Variants in CAB39L observed in about 807,000 individuals in gnomAD.
CAB39L encodes the protein calcium-binding protein 39-like.
In CAB39L, 23 loss-of-function variants were observed where a neutral mutation model predicts 39.1. The observed-to-expected ratio is 0.59, with a 90% CI of 0.42 to 0.83. The LOEUF is 0.83. Ranked by LOEUF, CAB39L falls within the 40% of genes least tolerant of loss-of-function variation. The pLI, the probability that CAB39L is intolerant of heterozygous loss-of-function variation, is 0.00. For synonymous variants in CAB39L, 126 were observed against 137.2 expected, an observed-to-expected ratio of 0.92 and a Z score of 0.57; for missense variants, 366 against 391.9, an observed-to-expected ratio of 0.93 and a Z score of 0.56.
intron 5 of CAB39L, among the ~76,000 whole-genome samples, chr13:49,370,315 T>C (rs1020135706): frequency 2.0e-5 from 3 of 152,210 alleles, no homozygotes; most frequent in Non-Finnish European, 2.9e-5. Context: ...GGAATTTATA[T>C]GGGAGATTAT....
rs71078845 is a variant in CAB39L, at chr13:49,443,083, T to TAAA, written c.-246+900_-246+902dup. Among the ~76,000 whole-genome samples, 135 of 116,510 alleles carry TAAA rather than the reference T, an allele frequency of 1.2e-3. 1 individual carries two copies. The highest frequency in any genetic ancestry group is 4.0e-3 in the African/African-American group (120 of 29,918). The allele number at this position is 116,510 out of a possible 152,430, so 76.4% of individuals were successfully genotyped here. A position where few individuals can be genotyped will look rare whatever the true frequency, so the allele number is the denominator to read the frequency against. On this transcript the variant is annotated intron_variant, in intron 1 of 10. Transcript: ENST00000409308. ...AATGCAATGCCATCCACAACAATGC[T>TAAA]AAAAAAAAAAAAAAAAAAGGAGGAG...
chr13:49,435,835 C>T (rs1957402770), intron 1 of CAB39L, among the ~76,000 whole-genome samples: 1 of 152,108 alleles, frequency 6.6e-6, no homozygotes, highest in Admixed American at 6.6e-5. Context: ...ATGTGCATTT[C>T]TTTTTCATAT....
In CAB39L at chr13:49,310,653, T is replaced by A. The variant is rs927284972; in HGVS notation, c.*161A>T. On this transcript the variant is annotated 3_prime_UTR_variant, in exon 11 of 11. Coordinates refer to ENST00000409308, the MANE Select transcript of CAB39L (RefSeq NM_001079670.3). The stretch of plus-strand genomic sequence containing the variant: ...AATGAATATATTATTCTAGGTTAAT[T>A]TTTTTCCATTCAAATGTTTATACTC... 1.7e-6 allele frequency: 1 copy of A among 580,702 alleles called. No individual in the cohort carries two copies. The highest frequency in any genetic ancestry group is 3.0e-6 in the Non-Finnish European group (1 of 337,778). 36.0% of individuals were successfully genotyped at this position (580,702 alleles called of 1,614,324 possible). A position where few individuals can be genotyped will look rare whatever the true frequency, so the allele number is the denominator to read the frequency against.
At chr13:49,387,490 G>A (rs922522455) in intron 3 of CAB39L, among the ~76,000 whole-genome samples, 1 of 152,180 alleles carries the variant, frequency 6.6e-6, no homozygotes, top group Non-Finnish European at 1.5e-5. Flanking sequence ...GCACATCAAC[G>A]TGCCCTCAGC....
At chr13:49,375,862 T>C (rs537732355) in intron 5 of CAB39L, among the ~76,000 whole-genome samples, 1 of 147,196 alleles carries the variant, frequency 6.8e-6, no homozygotes, top group South Asian at 2.2e-4. Context: ...GAGAAAGAGA[T>C]AGAATAAGGA....
chr13:49,339,387 T>A (rs1163645556), intron 9 of CAB39L, among the ~76,000 whole-genome samples: 1 of 152,178 alleles, frequency 6.6e-6, no homozygotes, highest in African/African-American at 2.4e-5. Context: ...CACTTCGGCC[T>A]CCCAAAGTGC....
At chr13:49,342,599 A>G (rs1318502831) in intron 8 of CAB39L, among the ~76,000 whole-genome samples, 1 of 152,204 alleles carries the variant, frequency 6.6e-6, no homozygotes, top group African/African-American at 2.4e-5. Context: ...ACAGAGTAGT[A>G]ACATTAACTA....
intron 4 of CAB39L, among the ~76,000 whole-genome samples, chr13:49,378,028 G>T (rs1326037077): frequency 1.2e-5 from 1 of 83,370 alleles, no homozygotes; most frequent in Non-Finnish European, 2.4e-5. Context: ...TGTGAGGAGT[G>T]CCTCTGCCCG....
intron 6 of CAB39L, among the ~76,000 whole-genome samples, chr13:49,358,051 CT>C (rs1416403231): frequency 2.0e-5 from 3 of 152,332 alleles, no homozygotes; most frequent in East Asian, 3.9e-4. Context: ...ACAGAACCCC[CT>C]GATGAACTAG....
intron 3 of CAB39L, among the ~76,000 whole-genome samples, chr13:49,385,496 T>C (rs1330328931): frequency 6.6e-6 from 1 of 152,254 alleles, no homozygotes; most frequent in African/African-American, 2.4e-5. Context: ...ACTTTTCCTT[T>C]GCATCCACAG....
chr13:49,329,685 T>C (rs1022824298), intron 10 of CAB39L, among the ~76,000 whole-genome samples: 1 of 150,844 alleles, frequency 6.6e-6, no homozygotes, highest in Non-Finnish European at 1.5e-5. Context: ...CTGCCATGCC[T>C]CCCATTTATG....
At chr13:49,422,223 A>G in intron 3 of CAB39L, among the ~76,000 whole-genome samples, 1 of 152,158 alleles carries the variant, frequency 6.6e-6, no homozygotes, top group Non-Finnish European at 1.5e-5. Flanking sequence ...TTTGTGATAA[A>G]GGAAAGAGTT....
At chr13:49,379,973 C>T (rs796539836) in intron 4 of CAB39L, among the ~76,000 whole-genome samples, 21 of 147,834 alleles carry the variant, frequency 1.4e-4, no homozygotes, top group African/African-American at 4.7e-4. Flanking sequence ...TCCCAAGTAG[C>T]GGGGACTACA....
At chr13:49,330,046 AT>A (rs1276505813) in intron 10 of CAB39L, among the ~76,000 whole-genome samples, 1 of 152,156 alleles carries the variant, frequency 6.6e-6, no homozygotes, top group African/African-American at 2.4e-5. Context: ...AATTCCAGAG[AT>A]AACCTCAAGG....
chr13:49,429,219 C>A (rs1260460552), intron 3 of CAB39L, among the ~76,000 whole-genome samples: 12 of 152,140 alleles, frequency 7.9e-5, no homozygotes, highest in Admixed American at 7.9e-4. Flanking sequence ...CTTCAACCTT[C>A]CTAGTAGCTG....
chr13:49,379,703 AT>A lies in CAB39L; in HGVS notation c.112-2573del, dbSNP rs1428992538. Among the ~76,000 whole-genome samples, 146 of 148,708 alleles carry A rather than the reference AT, an allele frequency of 9.8e-4. 26 individuals are homozygous for A. Among genetic ancestry groups the A allele is most frequent in the Middle Eastern group, 3.4e-3 (1 of 294 alleles). On this transcript the variant is annotated intron_variant, in intron 4 of 10. Transcript: ENST00000409308. Reference sequence around the variant, plus strand: ...CCAAGAATTATCAATAAAAAAATAAATTTAAAAAAAAAAAAAAACAAAAAAA... The same window carrying A: ...CCAAGAATTATCAATAAAAAAATAAATTAAAAAAAAAAAAAAACAAAAAAA...
At chr13:49,331,495 C>G (rs1376900840) in intron 10 of CAB39L, among the ~76,000 whole-genome samples, 2 of 151,926 alleles carry the variant, frequency 1.3e-5, no homozygotes, top group African/African-American at 4.8e-5. Context: ...AAAAAAACCA[C>G]TATTGTCTAA....
chr13:49,338,297 T>A lies in CAB39L; in HGVS notation c.690+1380A>T, dbSNP rs1954903600. On this transcript the variant is annotated intron_variant, in intron 9 of 10. Transcript: ENST00000409308. ...CTGGATTAAGAAAATGTGGCACATA[T>A]ACACCATGGAATACTATGCAGCCAT... Among the ~76,000 whole-genome samples, 3 of 151,904 alleles carry A rather than the reference T, an allele frequency of 2.0e-5. No homozygotes were observed. The South Asian group carries it at 6.3e-4, about 32-fold the overall frequency.
chr13:49,421,428 A>C (rs1957169549), intron 3 of CAB39L, among the ~76,000 whole-genome samples: 1 of 152,174 alleles, frequency 6.6e-6, no homozygotes, highest in South Asian at 2.1e-4. Context: ...ACAAGGGGAA[A>C]GTTGGGACAT....
Sources: gnomAD v4.1 joint callset for allele counts (sites outside exome capture counted in the v4.1 genomes callset) on GRCh38, gnomAD v4.1.1 for gene constraint, MANE v1.5 for transcripts, NCBI Gene and HGNC (gene_info 2026-07-23, HGNC 2026-07-21) for gene names.